ADAMTSL1: variants seen among roughly 807,000 people sequenced by gnomAD.
The protein encoded by ADAMTSL1 is ADAMTS-like protein 1.
ADAMTSL1 carries 126 observed loss-of-function variants against 201.8 expected under a neutral mutation model. The observed-to-expected ratio is 0.62, with a 90% CI of 0.54 to 0.72. The LOEUF is 0.72. ADAMTSL1 is among the 30% of genes least tolerant of loss of function. The pLI is 0.00. For synonymous variants in ADAMTSL1, 1,121 were observed against 903.4 expected, an observed-to-expected ratio of 1.24 and a Z score of -4.32; for missense variants, 2,679 against 2,277.8, an observed-to-expected ratio of 1.18 and a Z score of -3.59.
intron 2 of ADAMTSL1, among the ~76,000 whole-genome samples, chr9:18,302,412 G>A (rs555823278): frequency 6.6e-6 from 1 of 152,286 alleles, no homozygotes; most frequent in African/African-American, 2.4e-5. Flanking sequence ...AAAAAAAGTT[G>A]AGTGCTGTTG....
intron 5 of ADAMTSL1, among the ~76,000 whole-genome samples, chr9:18,626,839 TTTTC>T (rs752168419): frequency 0.013 from 1,759 of 133,306 alleles, 26 homozygotes; most frequent in Non-Finnish European, 0.017. Context: ...CTTACTTTCT[TTTTC>T]TTTCTTTCTT....
chr9:18,850,556 A>T (rs1826428788), intron 23 of ADAMTSL1, among the ~76,000 whole-genome samples: 1 of 152,224 alleles, frequency 6.6e-6, no homozygotes, highest in African/African-American at 2.4e-5. Context: ...CCAACTTTGT[A>T]GGAGACAGAG....
chr9:18,320,721 G>C (rs983717932), intron 2 of ADAMTSL1, among the ~76,000 whole-genome samples: 1 of 152,074 alleles, frequency 6.6e-6, no homozygotes, highest in African/African-American at 2.4e-5. Flanking sequence ...GATGAGAGAG[G>C]TTAATGGAAT....
At chr9:18,563,062 G>T (rs982486629) in intron 3 of ADAMTSL1, among the ~76,000 whole-genome samples, 12 of 152,142 alleles carry the variant, frequency 7.9e-5, no homozygotes, top group African/African-American at 2.9e-4. Flanking sequence ...TCCCTTGCTG[G>T]CAAGGAGTTG....
chr9:18,287,662 T>C (rs1425761796), intron 2 of ADAMTSL1, among the ~76,000 whole-genome samples: 2 of 151,432 alleles, frequency 1.3e-5, no homozygotes, highest in Non-Finnish European at 2.9e-5. Flanking sequence ...TATACACATA[T>C]ATGTATGTGT....
intron 1 of ADAMTSL1, among the ~76,000 whole-genome samples, chr9:18,048,492 A>G (rs974484013): frequency 6.6e-6 from 1 of 152,210 alleles, no homozygotes; most frequent in Admixed American, 6.5e-5. Context: ...TAACAAACAT[A>G]CCATATATGT....
chr9:18,216,326 T>C (rs184361156), intron 2 of ADAMTSL1, among the ~76,000 whole-genome samples: 81 of 152,332 alleles, frequency 5.3e-4, no homozygotes, highest in Non-Finnish European at 9.1e-4. Flanking sequence ...TGTGGTATAG[T>C]ATTTCATAAT....
chr9:17,935,307 G>T (rs1826960083), intron 1 of ADAMTSL1, among the ~76,000 whole-genome samples: 2 of 152,044 alleles, frequency 1.3e-5, no homozygotes, highest in South Asian at 2.1e-4. Context: ...TGTTCCCCCG[G>T]CACCAGTTCT....
intron 1 of ADAMTSL1, among the ~76,000 whole-genome samples, chr9:18,108,915 A>T (rs1257717386): frequency 6.6e-6 from 1 of 152,166 alleles, no homozygotes; most frequent in Admixed American, 6.6e-5. Flanking sequence ...GTTGTGTACA[A>T]GGTAGGGAGG....
chr9:18,247,515 A>G (rs1280229859), intron 2 of ADAMTSL1, among the ~76,000 whole-genome samples: 1 of 152,230 alleles, frequency 6.6e-6, no homozygotes, highest in Non-Finnish European at 1.5e-5. Context: ...CATATCAAAT[A>G]CTAAGTTGGT....
chr9:18,289,753 T>C (rs991725458), intron 2 of ADAMTSL1, among the ~76,000 whole-genome samples: 1 of 152,210 alleles, frequency 6.6e-6, no homozygotes, highest in Non-Finnish European at 1.5e-5. Context: ...CAGCTGTTGA[T>C]ACCTAGAGAG....
intron 26 of ADAMTSL1, among the ~76,000 whole-genome samples, chr9:18,901,423 C>G (rs528499883): frequency 6.6e-6 from 1 of 151,732 alleles, no homozygotes; most frequent in Non-Finnish European, 1.5e-5. Context: ...TTTCATAGCT[C>G]CACTTTTTAT....
intron 2 of ADAMTSL1, among the ~76,000 whole-genome samples, chr9:18,294,018 A>C (rs1302715249): frequency 6.6e-6 from 1 of 152,244 alleles, no homozygotes; most frequent in African/African-American, 2.4e-5. Flanking sequence ...ACTCAGAACC[A>C]TGAATCTAAG....
In ADAMTSL1 at chr9:18,505,013, C is replaced by A. The variant is rs1341608819; in HGVS notation, c.191+57C>A. ...AGAACCAGAGGTAGCCGGTTTGAGGCATGCTTTTGTGATTGGGTTTATGGA... is the reference window on the plus strand; with the variant it reads ...AGAACCAGAGGTAGCCGGTTTGAGGAATGCTTTTGTGATTGGGTTTATGGA... On this transcript the variant is annotated intron_variant, in intron 2 of 28. Coordinates refer to ENST00000380548, the MANE Select transcript of ADAMTSL1 (RefSeq NM_001040272.6). 3.8e-6 allele frequency: 6 copies of A among 1,559,594 alleles called. No individual in the cohort carries two copies. In the Admixed American group the frequency reaches 8.5e-5, roughly 22 times the overall value.
chr9:18,173,363 T>G (rs1464741230), intron 2 of ADAMTSL1, among the ~76,000 whole-genome samples: 1 of 152,126 alleles, frequency 6.6e-6, no homozygotes, highest in East Asian at 1.9e-4. Flanking sequence ...CCCAACATCA[T>G]GGGGCCTCCT....
chr9:18,135,897 A>G (rs1182108397), intron 1 of ADAMTSL1, among the ~76,000 whole-genome samples: 4 of 152,170 alleles, frequency 2.6e-5, no homozygotes, highest in Non-Finnish European at 5.9e-5. Flanking sequence ...AAGGCTTTAT[A>G]TGGCATACCC....
intron 3 of ADAMTSL1, among the ~76,000 whole-genome samples, chr9:18,546,970 A>G (rs1934931): frequency 0.65 from 99,300 of 152,006 alleles, 32,687 homozygotes; most frequent in East Asian, 0.79. Flanking sequence ...TCTAAATTTT[A>G]CGTGGCTATT....
chr9:18,676,117 G>C (rs1242937324), intron 10 of ADAMTSL1, among the ~76,000 whole-genome samples: 1 of 151,996 alleles, frequency 6.6e-6, no homozygotes, highest in Non-Finnish European at 1.5e-5. Flanking sequence ...CCACTTTAAG[G>C]TAGAATCATG....
chr9:18,084,444 C>T (rs1346959132), intron 1 of ADAMTSL1, among the ~76,000 whole-genome samples: 1 of 151,884 alleles, frequency 6.6e-6, no homozygotes, highest in Non-Finnish European at 1.5e-5. Context: ...ATTTCTTGAA[C>T]CCAGGAGGCG....
Sources: gnomAD v4.1 joint callset for allele counts (sites outside exome capture counted in the v4.1 genomes callset) on GRCh38, gnomAD v4.1.1 for gene constraint, MANE v1.5 for transcripts, NCBI Gene and HGNC (gene_info 2026-07-23, HGNC 2026-07-21) for gene names.